Variants in GRIA4 observed in about 807,000 individuals in gnomAD.
The protein encoded by GRIA4 is glutamate ionotropic receptor AMPA type subunit 4, also known as glutamate receptor 4.
GRIA4 carries 34 observed loss-of-function variants against 104.0 expected under a neutral mutation model. That is an observed-to-expected ratio of 0.33 (90% CI 0.25 to 0.44). GRIA4 has a LOEUF of 0.44. Ranked by LOEUF, GRIA4 falls within the 20% of genes least tolerant of loss-of-function variation. The pLI, the probability that GRIA4 is intolerant of heterozygous loss-of-function variation, is 1.00. For missense variants in GRIA4, 750 were observed against 1,096.5 expected (o/e 0.68, Z 4.46); for synonymous variants, 386 against 381.9 (o/e 1.01, Z -0.13).
At chr11:105,884,952 A>G (rs1322937501) in intron 5 of GRIA4, among the ~76,000 whole-genome samples, 1 of 151,922 alleles carries the variant, frequency 6.6e-6, no homozygotes, top group Non-Finnish European at 1.5e-5. Context: ...ACAAGCTGAG[A>G]GTGTTAAGAA....
chr11:105,772,856 T>C (rs12797384), intron 4 of GRIA4, among the ~76,000 whole-genome samples: 1 of 152,050 alleles, frequency 6.6e-6, no homozygotes. Context: ...GTAACTAAAG[T>C]ACAGAAAGAA....
rs1947647161 is a variant in GRIA4, at chr11:105,924,270, A to G, written c.1477-129A>G. The stretch of plus-strand genomic sequence containing the variant: ...TTTGTGTCTATCACTAGGCTTATAC[A>G]TTGTTGGCACTCCAAAAATAAATGT... On this transcript the variant is annotated intron_variant, in intron 11 of 16. Transcript: ENST00000282499. 5 of 620,670 alleles carry G rather than the reference A, an allele frequency of 8.1e-6. No individual in the cohort carries two copies. The South Asian group carries it at 1.4e-4, about 18-fold the overall frequency. 38.4% of individuals were successfully genotyped at this position (620,670 alleles called of 1,614,324 possible). A position where few individuals can be genotyped will look rare whatever the true frequency, so the allele number is the denominator to read the frequency against.
chr11:105,797,250 A>C (rs1378007413), intron 4 of GRIA4, among the ~76,000 whole-genome samples: 3 of 152,074 alleles, frequency 2.0e-5, no homozygotes, highest in Non-Finnish European at 2.9e-5. Flanking sequence ...AGAAAGAAAA[A>C]AAGGAAATAG....
At chr11:105,822,795 A>C (rs1483479032) in intron 4 of GRIA4, among the ~76,000 whole-genome samples, 1 of 152,156 alleles carries the variant, frequency 6.6e-6, no homozygotes, top group African/African-American at 2.4e-5. Context: ...ATATGTCACA[A>C]AAGTATATAA....
At chr11:105,868,003 G>T (rs1440764699) in intron 5 of GRIA4, among the ~76,000 whole-genome samples, 10 of 152,134 alleles carry the variant, frequency 6.6e-5, no homozygotes, top group Admixed American at 4.6e-4. Context: ...GCAACTCATG[G>T]TCCTTACACA....
intron 3 of GRIA4, among the ~76,000 whole-genome samples, chr11:105,697,339 T>C (rs775380418): frequency 6.6e-5 from 10 of 152,156 alleles, no homozygotes; most frequent in East Asian, 1.9e-4. Context: ...CAAGTGTATA[T>C]GCCAAATTTG....
At chr11:105,908,699 C>A (rs1348150848) in intron 9 of GRIA4, among the ~76,000 whole-genome samples, 4 of 151,822 alleles carry the variant, frequency 2.6e-5, no homozygotes, top group Admixed American at 1.3e-4. Context: ...AACTGCAAAC[C>A]CATGGTTTAG....
chr11:105,730,372 TAA>T (rs1231614623), intron 3 of GRIA4, among the ~76,000 whole-genome samples: 2 of 152,000 alleles, frequency 1.3e-5, no homozygotes, highest in African/African-American at 2.4e-5. Context: ...CTCAAGGAAA[TAA>T]GAGAGGACAC....
chr11:105,885,549 T>C (rs1449598616), intron 5 of GRIA4, among the ~76,000 whole-genome samples: 1 of 152,220 alleles, frequency 6.6e-6, no homozygotes, highest in Non-Finnish European at 1.5e-5. Context: ...TTGGGTAGGC[T>C]GATTGGTCAT....
chr11:105,928,722 G>C (rs1257766641), intron 13 of GRIA4, among the ~76,000 whole-genome samples: 3 of 151,916 alleles, frequency 2.0e-5, no homozygotes, highest in African/African-American at 7.2e-5. Context: ...GTGATAAAGG[G>C]AAGAAGAAAT....
At chr11:105,859,889 C>T (rs1221036718) in intron 4 of GRIA4, among the ~76,000 whole-genome samples, 1 of 152,036 alleles carries the variant, frequency 6.6e-6, no homozygotes, top group Non-Finnish European at 1.5e-5. Flanking sequence ...CCTCAGTTAC[C>T]ATCAGAGCAT....
chr11:105,767,353 A>G (rs1940996552), intron 4 of GRIA4, among the ~76,000 whole-genome samples: 1 of 152,022 alleles, frequency 6.6e-6, no homozygotes, highest in South Asian at 2.1e-4. Context: ...GAAAATACGT[A>G]TGTTTTATTT....
chr11:105,873,030 C>G (rs889140971), intron 5 of GRIA4, among the ~76,000 whole-genome samples: 5 of 151,932 alleles, frequency 3.3e-5, no homozygotes, highest in African/African-American at 1.2e-4. Flanking sequence ...ACCCATCAAC[C>G]CGTCATCTAC....
intron 3 of GRIA4, among the ~76,000 whole-genome samples, chr11:105,680,055 A>G (rs569580783): frequency 6.6e-6 from 1 of 152,276 alleles, no homozygotes; most frequent in East Asian, 1.9e-4. Context: ...CACCCTAGCC[A>G]GCACAATAAT....
rs141859933 is a variant in GRIA4 at position 105,611,063 on chromosome 11, C to G, written c.66C>G (p.Ala22=). ...FSGFWGLAMG[A]FPSSVQIGGL... ...GATTTTGGGGACTCGCCATGGGAGC[C>G]TTTCCGAGCAGCGTGCAAATAGGTA... The change falls in exon 2 of 17, where the codon GCC becomes GCG. Residue 22 remains alanine (A), a synonymous_variant. Transcript: ENST00000282499. 1 of 1,613,246 alleles carries G rather than the reference C, an allele frequency of 6.2e-7. No homozygotes were observed. Among genetic ancestry groups the G allele is most frequent in the Non-Finnish European group, 8.5e-7 (1 of 1,179,382 alleles).
chr11:105,841,354 A>T (rs1204809486), intron 4 of GRIA4, among the ~76,000 whole-genome samples: 5 of 152,194 alleles, frequency 3.3e-5, no homozygotes, highest in African/African-American at 1.2e-4. Flanking sequence ...TTAAGACACA[A>T]GCGCTGTTCT....
intron 13 of GRIA4, among the ~76,000 whole-genome samples, chr11:105,929,161 T>C (rs1947802785): frequency 6.6e-6 from 1 of 152,064 alleles, no homozygotes; most frequent in Non-Finnish European, 1.5e-5. Context: ...TCCTCTCCCA[T>C]ACATGTTGAC....
chr11:105,814,898 A>C (rs1943316293), intron 4 of GRIA4, among the ~76,000 whole-genome samples: 1 of 152,194 alleles, frequency 6.6e-6, no homozygotes, highest in South Asian at 2.1e-4. Flanking sequence ...ACAGAGGTGA[A>C]TATATGGCCC....
intron 3 of GRIA4, among the ~76,000 whole-genome samples, chr11:105,714,077 G>T (rs994918350): frequency 6.6e-6 from 1 of 152,092 alleles, no homozygotes; most frequent in Non-Finnish European, 1.5e-5. Context: ...GGTGAGAATT[G>T]TGGGATTTAT....
Sources: gnomAD v4.1 joint callset for allele counts (sites outside exome capture counted in the v4.1 genomes callset) on GRCh38, gnomAD v4.1.1 for gene constraint, MANE v1.5 for transcripts, NCBI Gene and HGNC (gene_info 2026-07-23, HGNC 2026-07-21) for gene names.